Variants in TPO observed in about 807,000 individuals in gnomAD.
TPO encodes thyroid microsomal antigen.
TPO carries 78 observed loss-of-function variants against 96.9 expected under a neutral mutation model. That is an observed-to-expected ratio of 0.81 (90% CI 0.67 to 0.97). The LOEUF is 0.97. TPO is among the 50% of genes least tolerant of loss of function. The probability of loss-of-function intolerance (pLI) is 0.00; values close to 1 mark genes in which losing one functional copy is unlikely to be tolerated. For synonymous variants in TPO, 547 were observed against 538.0 expected (o/e 1.02, Z -0.23); for missense variants, 1,252 against 1,274.8 (o/e 0.98, Z 0.27).
chr2:1,508,585 G>T (rs1673732308), intron 14 of TPO, among the ~76,000 whole-genome samples: 2 of 152,194 alleles, frequency 1.3e-5, no homozygotes, highest in African/African-American at 4.8e-5. Context: ...TCTATTCAGA[G>T]ATTCAACTTC....
chr2:1,529,446 C>T (rs1427537139), intron 15 of TPO, among the ~76,000 whole-genome samples: 2 of 111,438 alleles, frequency 1.8e-5, no homozygotes, highest in Admixed American at 9.1e-5. Flanking sequence ...TCCCAAATCC[C>T]CCCACTGTGT....
intron 2 of TPO, among the ~76,000 whole-genome samples, chr2:1,419,485 A>G (rs1197171455): frequency 6.6e-6 from 1 of 152,190 alleles, no homozygotes; most frequent in East Asian, 1.9e-4. Context: ...CCCTGCCTCT[A>G]TTGCCTAAAA....
intron 5 of TPO, among the ~76,000 whole-genome samples, chr2:1,441,777 C>CAT (rs1666216764): frequency 6.6e-6 from 1 of 152,128 alleles, no homozygotes; most frequent in African/African-American, 2.4e-5. Context: ...ATCCCCAGGG[C>CAT]CTGAGGATGT....
In TPO at chr2:1,477,617, G is replaced by T; in HGVS notation, c.1338+13G>T. On this transcript the variant is annotated intron_variant, in intron 8 of 16. Transcript: ENST00000329066. ...CGCTCTGCACCAGGTGCGCGGGGTG[G>T]TCCTGGGCGCCCTGGGTGGCTGCGG... 1 of 1,495,944 alleles carries T rather than the reference G, an allele frequency of 6.7e-7. No individual in the cohort carries two copies. Among genetic ancestry groups the T allele is most frequent in the Non-Finnish European group, 8.9e-7 (1 of 1,129,402 alleles). The allele number at this position is 1,495,944 out of a possible 1,614,324, so 92.7% of individuals were successfully genotyped here.
intron 15 of TPO, among the ~76,000 whole-genome samples, chr2:1,529,804 C>G (rs1677622553): frequency 7.7e-6 from 1 of 130,640 alleles, no homozygotes; most frequent in Non-Finnish European, 1.6e-5. Context: ...CTCCCCAAAT[C>G]CCTCCCATTG....
intron 15 of TPO, among the ~76,000 whole-genome samples, chr2:1,520,173 G>A (rs1675103265): frequency 6.6e-6 from 1 of 152,160 alleles, no homozygotes; most frequent in Non-Finnish European, 1.5e-5. Flanking sequence ...GTGATTAGGT[G>A]AGCTCAGAAG....
At position 1,438,974 on chromosome 2, in the gene TPO, G is replaced by C. The variant is rs926155048; in HGVS notation, c.482+2590G>C. The stretch of plus-strand genomic sequence containing the variant: ...CCTGCAAAGCCTGCCCCTGGGTCCT[G>C]CAGTAGAGCCTGAACCTTTCTTTGG... On this transcript the variant is annotated intron_variant, in intron 5 of 16. Transcript: ENST00000329066. The C allele has an allele frequency of 7.6e-6, 5 of 657,642 alleles. No homozygotes were observed. In the Admixed American group the frequency reaches 1.3e-4, roughly 17 times the overall value. 40.7% of individuals were successfully genotyped at this position (657,642 alleles called of 1,614,324 possible).
At chr2:1,408,863 C>T (rs193029853), upstream of TPO, among the ~76,000 whole-genome samples, 27 of 152,092 alleles carry the variant, frequency 1.8e-4, no homozygotes, top group African/African-American at 6.0e-4. Context: ...AGTGTAATGT[C>T]GAAGTTAGAG....
At chr2:1,410,332 T>A (rs1260939990), upstream of TPO, among the ~76,000 whole-genome samples, 1 of 152,134 alleles carries the variant, frequency 6.6e-6, no homozygotes, top group African/African-American at 2.4e-5. Context: ...AAAGGCAACA[T>A]CAGGCTGTAG....
chr2:1,516,914 CT>C lies in TPO; in HGVS notation c.2551del (p.Ser851ProfsTer8). 1 of 1,614,014 alleles carries C rather than the reference CT, an allele frequency of 6.2e-7. No homozygotes were observed. Among genetic ancestry groups the C allele is most frequent in the Non-Finnish European group, 8.5e-7 (1 of 1,180,038 alleles). On this transcript the variant is annotated frameshift_variant, in exon 15 of 17. Transcript: ENST00000329066. LOFTEE classifies it high-confidence loss of function. Reference sequence around the variant, plus strand: ...GGAGGCTCCCTCGGGTGACTTGGATCTCCATGTCGCTGGCTGCTCTGCTGAT... The same window carrying C: ...GGAGGCTCCCTCGGGTGACTTGGATCCCATGTCGCTGGCTGCTCTGCTGAT... ...SGRLPRVTWI[S>X]MSLAALLIGG...
chr2:1,529,241 G>C (rs1416922611), intron 15 of TPO, among the ~76,000 whole-genome samples: 1 of 7,694 alleles, frequency 1.3e-4, no homozygotes, highest in African/African-American at 6.7e-4. Context: ...GTGCAACCGT[G>C]CTAAATCCCC....
chr2:1,441,577 C>T (rs1573199677), intron 5 of TPO, among the ~76,000 whole-genome samples: 1 of 152,104 alleles, frequency 6.6e-6, no homozygotes, highest in East Asian at 1.9e-4. Context: ...CTGTGGAGAC[C>T]TCTTCATCAT....
upstream of TPO, among the ~76,000 whole-genome samples, chr2:1,411,319 TAGA>T (rs1662330943): frequency 6.6e-6 from 1 of 152,120 alleles, no homozygotes; most frequent in African/African-American, 2.4e-5. Context: ...AACAGCAACT[TAGA>T]GGAGAGGCTA....
chr2:1,377,304 T>C (rs1256191456), intron 1 of TPO, among the ~76,000 whole-genome samples: 1 of 152,174 alleles, frequency 6.6e-6, no homozygotes, highest in Non-Finnish European at 1.5e-5. Flanking sequence ...CTCTCACGGA[T>C]TATTCTGGTA....
intron 15 of TPO, 99 bp downstream of exon 15, chr2:1,517,081 AC>A (rs1674794274): frequency 8.0e-7 from 1 of 1,252,248 alleles, no homozygotes. Context: ...CGAAGCTAAC[AC>A]AGGTTACTGG....
At chr2:1,449,217 T>A (rs933862702) in intron 5 of TPO, among the ~76,000 whole-genome samples, 1 of 152,236 alleles carries the variant, frequency 6.6e-6, no homozygotes, top group Admixed American at 6.5e-5. Flanking sequence ...ACTTGGTATA[T>A]CATTCTCTAT....
In TPO at chr2:1,457,414, G is replaced by A. The variant is rs1224298969; in HGVS notation, c.819+1132G>A. ...ACACATATATATAGCATGTATGATC[G>A]CGTGTGGGCAGATGTGTACATAGCA... is the stretch of plus-strand genomic sequence containing the variant. On this transcript the variant is annotated intron_variant, in intron 7 of 16. Coordinates refer to ENST00000329066, the MANE Select transcript of TPO (RefSeq NM_001206744.2). 1.2e-4 allele frequency among the ~76,000 whole-genome samples: 6 copies of A among 51,152 alleles called. 2 individuals carry two copies. The highest frequency in any genetic ancestry group is 3.5e-4 in the African/African-American group (6 of 17,270). The allele number at this position is 51,152 out of a possible 152,430, so 33.6% of individuals were successfully genotyped here.
Position 1,477,188 on chromosome 2 carries a change from C to T in TPO, c.922C>T (p.Leu308=). Residue 308 remains leucine (L), a synonymous_variant, in exon 8 of 17, where the codon CTG becomes TTG. Transcript: ENST00000329066. ...GGACCAAGGCGCGCTCTTTGGGAAC[C>T]TGTCCACGGCCAACCCGCGGCAGCA... The part of the protein sequence containing the change: ...TGDQGALFGN[L]STANPRQQMN... The T allele has an allele frequency of 6.2e-7, 1 of 1,609,966 alleles. No homozygotes were observed. Among genetic ancestry groups the T allele is most frequent in the Non-Finnish European group, 8.5e-7 (1 of 1,178,996 alleles).
intron 1 of TPO, among the ~76,000 whole-genome samples, chr2:1,404,783 C>T (rs1662224001): frequency 1.3e-5 from 2 of 152,162 alleles, no homozygotes; most frequent in Admixed American, 6.5e-5. Flanking sequence ...TTCTTTCTTT[C>T]TAGAAGGCTG....
Sources: allele counts gnomAD v4.1 joint callset (sites outside exome capture counted in the v4.1 genomes callset), GRCh38; gene constraint gnomAD v4.1.1; transcripts MANE v1.5; gene names NCBI Gene and HGNC (gene_info 2026-07-23, HGNC 2026-07-21).